Variants in HEG1 observed in about 807,000 individuals in gnomAD.
The protein encoded by HEG1 is heart development protein with EGF like domains 1, also known as protein HEG homolog 1.
A neutral mutation model predicts 125.6 loss-of-function variants in HEG1; 56 were observed. The observed-to-expected ratio is 0.45, with a 90% CI of 0.36 to 0.56. The LOEUF (loss-of-function observed/expected upper bound fraction) is 0.56. Ranked by LOEUF, HEG1 falls within the 20% of genes least tolerant of loss-of-function variation. HEG1 has a pLI of 0.00. For missense variants in HEG1, 1,523 were observed against 1,670.0 expected (o/e 0.91, Z 1.53); for synonymous variants, 644 against 668.5 (o/e 0.96, Z 0.57).
chr3:125,028,119 A>T (rs1305993486), intron 2 of HEG1, among the ~76,000 whole-genome samples: 2 of 152,034 alleles, frequency 1.3e-5, no homozygotes, highest in East Asian at 3.9e-4. Flanking sequence ...ACTAGGCCAC[A>T]TCGCAGCACC....
At chr3:125,004,978 C>A (rs1249319131) in intron 9 of HEG1, among the ~76,000 whole-genome samples, 2 of 152,208 alleles carry the variant, frequency 1.3e-5, no homozygotes, top group Non-Finnish European at 2.9e-5. Flanking sequence ...CTGCTGATGC[C>A]TGTCATCAGC....
chr3:125,028,250 C>G (rs1368650196), intron 2 of HEG1, among the ~76,000 whole-genome samples: 2 of 152,244 alleles, frequency 1.3e-5, no homozygotes, highest in African/African-American at 4.8e-5. Flanking sequence ...CTCAAATTCA[C>G]TTTAGTTATG....
chr3:125,018,864 C>CTTTTT (rs755310479), intron 5 of HEG1, among the ~76,000 whole-genome samples: 2 of 119,636 alleles, frequency 1.7e-5, no homozygotes, highest in Non-Finnish European at 3.5e-5. Flanking sequence ...TTCATGCATG[C>CTTTTT]TTTTTTTTTT....
chr3:124,990,652 C>T (rs575394189), intron 14 of HEG1, 135 bp downstream of exon 14: 6 of 831,232 alleles, frequency 7.2e-6, no homozygotes, highest in African/African-American at 6.9e-5. Flanking sequence ...CTCTTTGTTT[C>T]CCCCATGCCA....
At chr3:125,054,308 G>A (rs1267501889) in intron 1 of HEG1, among the ~76,000 whole-genome samples, 2 of 151,986 alleles carry the variant, frequency 1.3e-5, no homozygotes, top group African/African-American at 4.8e-5. Flanking sequence ...ACTGTTCCTC[G>A]GTTTCTCAAT....
chr3:124,994,152 AT>A (rs1936877660), intron 12 of HEG1, among the ~76,000 whole-genome samples: 1 of 152,212 alleles, frequency 6.6e-6, no homozygotes, highest in Non-Finnish European at 1.5e-5. Flanking sequence ...ATCATCAGGC[AT>A]TAGATTCTCC....
chr3:125,028,077 C>T (rs1164580383), intron 2 of HEG1, among the ~76,000 whole-genome samples: 1 of 151,416 alleles, frequency 6.6e-6, no homozygotes, highest in African/African-American at 2.4e-5. Flanking sequence ...ATCACTTTTC[C>T]TTGGTGAAGT....
At chr3:124,972,842 A>T (rs2107685502) in intron 16 of HEG1, among the ~76,000 whole-genome samples, 1 of 152,292 alleles carries the variant, frequency 6.6e-6, no homozygotes. Flanking sequence ...GTTGTCTCCT[A>T]CCTTTCCAAA....
intron 3 of HEG1, among the ~76,000 whole-genome samples, chr3:125,022,200 A>G (rs1424016982): frequency 1.3e-5 from 2 of 152,250 alleles, no homozygotes; most frequent in Non-Finnish European, 2.9e-5. Context: ...TAAAGTCACA[A>G]AAAGAGAGTG....
Position 125,012,747 on chromosome 3 carries a change from G to A in HEG1, c.2832C>T (p.Leu944=), listed in dbSNP as rs141520830. ...TAEYSPASRS[L]GTSPSPQTTV... is the part of the protein sequence containing the mutation. Reference sequence around the variant, plus strand: ...TGGTTTGGGGAGAAGGAGATGTTCCGAGGGAACGTGAAGCTGGGCTGTACT... The same window carrying A: ...TGGTTTGGGGAGAAGGAGATGTTCCAAGGGAACGTGAAGCTGGGCTGTACT... Residue 944 remains leucine (L), a synonymous_variant, in exon 6 of 17, where the codon CTC becomes CTT. Coordinates refer to ENST00000311127, the MANE Select transcript of HEG1 (RefSeq NM_020733.2). 1.5e-3 allele frequency: 2,496 copies of A among 1,613,982 alleles called. 35 individuals are homozygous for A. In the South Asian group the frequency reaches 0.021, roughly 14 times the overall value.
intron 9 of HEG1, among the ~76,000 whole-genome samples, chr3:125,003,335 T>C (rs865961246): frequency 5.3e-5 from 8 of 152,200 alleles, no homozygotes; most frequent in African/African-American, 1.7e-4. Flanking sequence ...TGCAAAGGAC[T>C]GCACTTCTGC....
chr3:125,002,263 G>T lies in HEG1; in HGVS notation c.3350C>A (p.Ala1117Asp). 4 of 1,612,352 alleles carry T rather than the reference G, an allele frequency of 2.5e-6. No homozygotes were observed. Among genetic ancestry groups the T allele is most frequent in the Non-Finnish European group, 2.5e-6 (3 of 1,178,622 alleles). Residue 1117 changes from alanine to aspartate, a missense_variant, in exon 10 of 17, where the codon GCC becomes GAC. By Grantham distance (126) the Ala-to-Asp change is moderately radical. Transcript: ENST00000311127. ...LPSYIRSTVH[A>D]SRESNAVVIS... is the part of the protein sequence containing the mutation. The stretch of plus-strand genomic sequence containing the variant: ...ATATAATTCTGTTACTTACCTAGAG[G>T]CGTGAACTGTAGATCGGATGTAACT...
chr3:125,031,757 C>T (rs1304277920), intron 1 of HEG1, among the ~76,000 whole-genome samples: 2 of 151,514 alleles, frequency 1.3e-5, no homozygotes, highest in East Asian at 1.9e-4. Context: ...CATACACATG[C>T]ACACATACAC....
intron 1 of HEG1, among the ~76,000 whole-genome samples, chr3:125,038,089 G>C (rs894168677): frequency 2.6e-5 from 4 of 152,198 alleles, no homozygotes; most frequent in Non-Finnish European, 4.4e-5. Flanking sequence ...ACCTTGGCAG[G>C]CACTGCTAAT....
In HEG1 at chr3:125,021,106, T is replaced by C. The variant is rs747175382; in HGVS notation, c.938A>G (p.Asn313Ser). 27 of 1,579,784 alleles carry C rather than the reference T, an allele frequency of 1.7e-5. No homozygotes were observed. The highest frequency in any genetic ancestry group is 1.7e-4 in the Admixed American group (9 of 54,354). The stretch of plus-strand genomic sequence containing the variant: ...GGAGCTCTGGAGGCCAGTGGAGTTG[T>C]TAAGCTTCTCTGTACTTTCAGAAGC... ...SSSSESTEKLNNSTGLQSSSV... is the reference protein window; with the variant it reads ...SSSSESTEKLSNSTGLQSSSV... The change falls in exon 4 of 17, where the codon AAC (asparagine) becomes AGC (serine). Residue 313 changes from asparagine to serine, a missense_variant. By Grantham distance (46) the Asn-to-Ser change is conservative. Coordinates refer to ENST00000311127, the MANE Select transcript of HEG1 (RefSeq NM_020733.2).
chr3:125,019,722 ATG>A (rs1937308634), intron 4 of HEG1, 125 bp from the exon 5 acceptor site: 24 of 695,326 alleles, frequency 3.5e-5, no homozygotes, highest in Middle Eastern at 3.9e-4. Context: ...TGTTTATTAA[ATG>A]TATTATGCAC....
At position 124,973,830 on chromosome 3, in the gene HEG1, G is replaced by A. The variant is rs752656261; in HGVS notation, c.3897C>T (p.Pro1299=). The A allele has an allele frequency of 6.2e-7, 1 of 1,613,460 alleles. No individual in the cohort carries two copies. The highest frequency in any genetic ancestry group is 1.1e-5 in the South Asian group (1 of 91,058). Residue 1299 remains proline (P), a synonymous_variant, in exon 16 of 17, where the codon CCC becomes CCT. Transcript: ENST00000311127. ...CCCATTCTTGTGAGCGAGGATTTTT[G>A]GGGTATTCAGCATACGGGGACATTT... ...DFQMSPYAEY[P]KNPRSQEWGR...
chr3:125,018,434 G>A (rs1376232013), intron 5 of HEG1, among the ~76,000 whole-genome samples: 1 of 152,148 alleles, frequency 6.6e-6, no homozygotes, highest in African/African-American at 2.4e-5. Context: ...GAAATGCTCT[G>A]GAATTAGACA....
chr3:125,016,280 C>T (rs1487560435), intron 5 of HEG1, among the ~76,000 whole-genome samples: 7 of 152,124 alleles, frequency 4.6e-5, no homozygotes, highest in Admixed American at 6.5e-5. Context: ...TGCAGAACCC[C>T]GCCAGCTTTG....
Sources: gnomAD v4.1 joint callset for allele counts (sites outside exome capture counted in the v4.1 genomes callset) on GRCh38, gnomAD v4.1.1 for gene constraint, MANE v1.5 for transcripts, NCBI Gene and HGNC (gene_info 2026-07-23, HGNC 2026-07-21) for gene names.